Variants in CFH observed in about 807,000 individuals in gnomAD.
CFH encodes the protein complement factor H, also known as H factor 1 (complement).
Under a neutral mutation model 147.3 loss-of-function variants are expected in CFH, and 53 were observed. The observed-to-expected ratio is 0.36, with a 90% CI of 0.29 to 0.45. CFH has a LOEUF of 0.45. CFH is among the 20% of genes least tolerant of loss of function. CFH has a pLI of 1.00. For synonymous variants in CFH, 536 were observed against 489.4 expected, an observed-to-expected ratio of 1.10 and a Z score of -1.26; for missense variants, 1,380 against 1,498.0, an observed-to-expected ratio of 0.92 and a Z score of 1.30.
chr1:196,738,564 C>A (rs751712480), intron 17 of CFH, among the ~76,000 whole-genome samples: 41 of 152,164 alleles, frequency 2.7e-4, no homozygotes, highest in Non-Finnish European at 5.3e-4. Context: ...ATAGGGCAGT[C>A]ATTAAACCTT....
chr1:196,739,110 C>G (rs138456877), intron 17 of CFH, among the ~76,000 whole-genome samples: 7 of 152,208 alleles, frequency 4.6e-5, no homozygotes, highest in African/African-American at 1.4e-4. Flanking sequence ...AGCTGGGATA[C>G]AGTCCTGAGG....
At chr1:196,702,335 G>A (rs759555821) in intron 9 of CFH, among the ~76,000 whole-genome samples, 10 of 151,970 alleles carry the variant, frequency 6.6e-5, no homozygotes, top group East Asian at 5.8e-4. Context: ...CCATTTAGCC[G>A]GGGAGTCACT....
At chr1:196,719,225 A>G (rs1668941896) in intron 11 of CFH, among the ~76,000 whole-genome samples, 1 of 152,064 alleles carries the variant, frequency 6.6e-6, no homozygotes, top group Non-Finnish European at 1.5e-5. Flanking sequence ...TTACCTCTAT[A>G]TAAATACAGC....
intron 1 of CFH, among the ~76,000 whole-genome samples, chr1:196,670,068 GACTTTCAT>G (rs1476951360): frequency 6.6e-6 from 1 of 152,180 alleles, no homozygotes; most frequent in East Asian, 1.9e-4. Context: ...TTGGATTTCT[GACTTTCAT>G]GGAGCCTTTG....
intron 9 of CFH, among the ~76,000 whole-genome samples, chr1:196,691,865 A>T (rs528298): frequency 0.69 from 104,973 of 151,818 alleles, 37,012 homozygotes; most frequent in East Asian, 0.95. Context: ...AAAAGTTATA[A>T]GTTACCTTTT....
Position 196,713,872 on chromosome 1 carries a change from A to G in CFH, c.1474A>G (p.Ile492Val), listed in dbSNP as rs892717090. The change falls in exon 10 of 22, where the codon ATT becomes GTT. Residue 492 changes from isoleucine (I) to valine (V), a missense_variant. Ile to Val is a conservative substitution (Grantham distance 29). Transcript: ENST00000367429. Reference sequence around the variant, plus strand: ...AGCAGATGGTGAAACATCAGGATCAATTACATGTGGGAAAGATGGATGGTC... The same window carrying G: ...AGCAGATGGTGAAACATCAGGATCAGTTACATGTGGGAAAGATGGATGGTC... ...VTADGETSGS[I>V]TCGKDGWSAQ... The G allele has an allele frequency of 3.7e-6, 6 of 1,612,736 alleles. No homozygotes were observed. The highest frequency in any genetic ancestry group is 5.1e-6 in the Non-Finnish European group (6 of 1,179,242).
chr1:196,744,955 C>G (rs755668486), intron 20 of CFH, among the ~76,000 whole-genome samples: 2 of 152,066 alleles, frequency 1.3e-5, no homozygotes, highest in Non-Finnish European at 2.9e-5. Context: ...AAGATCGTGT[C>G]ACTGGATATC....
At chr1:196,701,677 T>G in intron 9 of CFH, 1 of 283,398 alleles carries the variant, frequency 3.5e-6, no homozygotes, top group Non-Finnish European at 6.8e-6. Context: ...TGAGGGCATT[T>G]ACTCACTGCC....
intron 10 of CFH, among the ~76,000 whole-genome samples, chr1:196,714,635 G>GTGTATATATGTATA (rs1392624278): frequency 1.1e-3 from 27 of 24,918 alleles, no homozygotes; most frequent in African/African-American, 4.3e-3. Context: ...ACGTATATAT[G>GTGTATATATGTATA]TATATATATA....
intron 11 of CFH, among the ~76,000 whole-genome samples, chr1:196,723,280 T>C (rs1669046795): frequency 6.6e-6 from 1 of 152,156 alleles, no homozygotes; most frequent in East Asian, 1.9e-4. Flanking sequence ...ATGTATGTTG[T>C]ATAGGGCTAT....
intron 7 of CFH, 149 bp downstream of exon 7, chr1:196,685,386 C>T (rs909873304): frequency 1.1e-5 from 9 of 795,106 alleles, no homozygotes; most frequent in South Asian, 3.2e-5. Flanking sequence ...TCGAAGTTGC[C>T]GAAACTCATA....
intron 6 of CFH, among the ~76,000 whole-genome samples, chr1:196,680,530 C>A (rs549642626): frequency 2.0e-5 from 3 of 151,744 alleles, no homozygotes; most frequent in Non-Finnish European, 4.4e-5. Flanking sequence ...TGCCATAAGA[C>A]GTACAGTAAG....
At chr1:196,713,330 C>A (rs1668767697) in intron 9 of CFH, among the ~76,000 whole-genome samples, 1 of 152,138 alleles carries the variant, frequency 6.6e-6, no homozygotes, top group Non-Finnish European at 1.5e-5. Context: ...CTAAGATCAT[C>A]ACAGGATCTC....
rs775018204 is a variant in CFH at position 196,743,581 on chromosome 1, A to T, written c.3263A>T (p.Glu1088Val). The T allele has an allele frequency of 1.4e-5, 22 of 1,613,934 alleles. No homozygotes were observed. In the Admixed American group the frequency reaches 3.7e-4, roughly 27 times the overall value. The change falls in exon 20 of 22, where the codon GAA becomes GTA. Residue 1088 changes from glutamate (E) to valine (V), a missense_variant. Transcript: ENST00000367429. ...CCTTATGAAATGTTTGGGGATGAAG[A>T]AGTGATGTGTTTAAATGGAAACTGG... ...RSPYEMFGDE[E>V]VMCLNGNWTE...
intron 9 of CFH, 88 bp downstream of exon 9, chr1:196,690,327 G>A: frequency 9.5e-6 from 15 of 1,574,638 alleles, no homozygotes; most frequent in Admixed American, 1.7e-5. Context: ...ATTAATTGTG[G>A]CAAAATGTTT....
chr1:196,710,247 C>G (rs1012212878), intron 9 of CFH, among the ~76,000 whole-genome samples: 1 of 152,162 alleles, frequency 6.6e-6, no homozygotes, highest in African/African-American at 2.4e-5. Flanking sequence ...AGATCTGGGG[C>G]TTGAGAATCC....
At position 196,734,617 on chromosome 1, in the gene CFH, A is replaced by G. The variant is rs552531714; in HGVS notation, c.2414-2207A>G. On this transcript the variant is annotated intron_variant, in intron 15 of 21. Coordinates refer to ENST00000367429, the MANE Select transcript of CFH (RefSeq NM_000186.4). ...GAACTGGTTTCTTGATTTCTCATAA[A>G]GGGAATTGTTTCCAGTATCGTCATT... is the stretch of plus-strand genomic sequence containing the variant. Among the ~76,000 whole-genome samples, 5 of 152,176 alleles carry G rather than the reference A, an allele frequency of 3.3e-5. No individual in the cohort carries two copies. The East Asian group carries it at 9.7e-4, about 29-fold the overall frequency.
chr1:196,741,257 G>A (rs1205422106), intron 18 of CFH: 4 of 175,580 alleles, frequency 2.3e-5, no homozygotes, highest in Non-Finnish European at 4.9e-5. Flanking sequence ...ACCTTCCTGA[G>A]ACTGGGTAAT....
intron 1 of CFH, among the ~76,000 whole-genome samples, chr1:196,663,564 A>G (rs1265675669): frequency 6.6e-6 from 1 of 152,142 alleles, no homozygotes; most frequent in Non-Finnish European, 1.5e-5. Context: ...TTTGTTCCTT[A>G]TGAAGTTTAT....
Sources: gnomAD v4.1 joint callset for allele counts (sites outside exome capture counted in the v4.1 genomes callset) on GRCh38, gnomAD v4.1.1 for gene constraint, MANE v1.5 for transcripts, NCBI Gene and HGNC (gene_info 2026-07-23, HGNC 2026-07-21) for gene names.